Variants in AMH observed in about 807,000 individuals in gnomAD.
AMH encodes the protein anti-Mullerian hormone.
A neutral mutation model predicts 33.3 loss-of-function variants in AMH; 39 were observed. The observed-to-expected ratio is 1.17, with a 90% CI of 0.91 to 1.53. AMH has a LOEUF of 1.53. Among genes scored for constraint, AMH ranks in the 40% most tolerant of loss-of-function variants. The pLI is 0.00. For synonymous variants in AMH, 536 were observed against 403.0 expected (o/e 1.33, Z -3.95); for missense variants, 1,019 against 799.8 (o/e 1.27, Z -3.30).
In AMH at chr19:2,251,124, C is replaced by A. The variant is rs769350289; in HGVS notation, c.850C>A (p.Pro284Thr). 5.5e-5 allele frequency: 84 copies of A among 1,540,682 alleles called. No individual in the cohort carries two copies. The African/African-American group carries it at 1.1e-3, about 20-fold the overall frequency. ...GCCATCCGCGGAACTCGAGGAGTCG[C>A]CACCCAGCGCAGACCCCTTCCTGGA... Reference protein sequence around the residue: ...PRPSAELEESPPSADPFLETL... With the variant: ...PRPSAELEESTPSADPFLETL... The change falls in exon 5 of 5, where the codon CCA becomes ACA. Residue 284 changes from proline to threonine, a missense_variant. Physicochemically the swap from Pro to Thr is conservative, Grantham distance 38. Coordinates refer to ENST00000221496, the MANE Select transcript of AMH (RefSeq NM_000479.5).
Position 2,251,884 on chromosome 19 carries a change from T to A in AMH, c.1610T>A (p.Ile537Asn). 2.5e-6 allele frequency: 4 copies of A among 1,581,662 alleles called. No individual in the cohort carries two copies. The highest frequency in any genetic ancestry group is 3.4e-6 in the Non-Finnish European group (4 of 1,171,246). ...VPTAYAGKLLISLSEERISAH... is the reference protein window; with the variant it reads ...VPTAYAGKLLNSLSEERISAH... ...ACCGCCTACGCGGGCAAGCTGCTCA[T>A]CAGCCTGTCGGAGGAGCGCATCAGC... Residue 537 changes from isoleucine (I) to asparagine (N), a missense_variant, in exon 5 of 5, where the codon ATC becomes AAC. Ile to Asn is a moderately radical substitution (Grantham distance 149, BLOSUM62 -3). Coordinates refer to ENST00000221496, the MANE Select transcript of AMH (RefSeq NM_000479.5).
chr19:2,250,426 C>T lies in AMH; in HGVS notation c.502C>T (p.Pro168Ser), dbSNP rs768050453. ...AGAGCTGGCGCTGCTGGTGCTGTAC[C>T]CTGGGCCTGGCCCTGAGGTCACTGT... ...PPELALLVLY[P>S]GPGPEVTVTR... Residue 168 changes from proline to serine, a missense_variant, in exon 2 of 5, where the codon CCT becomes TCT. Coordinates refer to ENST00000221496, the MANE Select transcript of AMH (RefSeq NM_000479.5). The T allele has an allele frequency of 7.7e-6, 12 of 1,560,878 alleles. No homozygotes were observed. The highest frequency in any genetic ancestry group is 9.5e-6 in the Non-Finnish European group (11 of 1,153,648).
chr19:2,250,354 C>A lies in AMH; in HGVS notation c.430C>A (p.Pro144Thr), dbSNP rs951526274. The A allele has an allele frequency of 1.9e-6, 3 of 1,598,350 alleles. No individual in the cohort carries two copies. The South Asian group carries it at 3.4e-5, about 18-fold the overall frequency. The change falls in exon 2 of 5, where the codon CCC becomes ACC. Residue 144 changes from proline (P) to threonine (T), a missense_variant. Coordinates refer to ENST00000221496, the MANE Select transcript of AMH (RefSeq NM_000479.5). Reference protein sequence around the residue: ...HLEEVTWEPTPSLRFQEPPPG... With the variant: ...HLEEVTWEPTTSLRFQEPPPG... ...GGCTGCAGTGACCTGGGAGCCAACA[C>A]CCTCGCTGAGGTTCCAGGAGCCCCC...
chr19:2,250,223 G>A, intron 1 of AMH, 114 bp from the exon 2 acceptor site: 3 of 1,501,650 alleles, frequency 2.0e-6, no homozygotes, highest in Non-Finnish European at 2.7e-6. Context: ...GGGCACCCTT[G>A]TCCCCCGCTT....
At chr19:2,250,157 AGCCCCTGCCT>A (rs1020489156) in intron 1 of AMH, 170 bp from the exon 2 acceptor site, 18 of 1,042,650 alleles carry the variant, frequency 1.7e-5, no homozygotes, top group Non-Finnish European at 2.2e-5. Flanking sequence ...CCTCAGACGC[AGCCCCTGCCT>A]GCCCCTGCCG....
intron 1 of AMH, 137 bp from the exon 2 acceptor site, chr19:2,250,200 A>G (rs930155578): frequency 3.6e-6 from 5 of 1,385,770 alleles, no homozygotes; most frequent in Admixed American, 4.0e-5. Context: ...GGCTGCAGGA[A>G]GGCAGCTAAG....
chr19:2,249,436 G>T lies in AMH; in HGVS notation c.104G>T (p.Ser35Ile). Reference protein sequence around the residue: ...LRAEEPAVGTSGLIFREDLDW... With the variant: ...LRAEEPAVGTIGLIFREDLDW... ...GCAGAGGAGCCAGCTGTGGGCACCAGTGGCCTCATCTTCCGAGAAGACTTG... is the reference window on the plus strand; with the variant it reads ...GCAGAGGAGCCAGCTGTGGGCACCATTGGCCTCATCTTCCGAGAAGACTTG... The change falls in exon 1 of 5, where the codon AGT becomes ATT. Residue 35 changes from serine to isoleucine, a missense_variant. By Grantham distance (142) the Ser-to-Ile change is moderately radical. Coordinates refer to ENST00000221496, the MANE Select transcript of AMH (RefSeq NM_000479.5). 1 of 1,602,258 alleles carries T rather than the reference G, an allele frequency of 6.2e-7. No individual in the cohort carries two copies. Among genetic ancestry groups the T allele is most frequent in the Non-Finnish European group, 8.5e-7 (1 of 1,175,196 alleles).
Position 2,250,892 on chromosome 19 carries a change from C to T in AMH, c.708C>T (p.Gly236=), listed in dbSNP as rs776760169. The T allele has an allele frequency of 6.4e-7, 1 of 1,573,900 alleles. No individual in the cohort carries two copies. The highest frequency in any genetic ancestry group is 1.3e-5 in the African/African-American group (1 of 74,574). ...STARLQALLF[G]DDHRCFTRMT... is the part of the protein sequence containing the mutation. The stretch of plus-strand genomic sequence containing the variant: ...CCCGGCTGCAGGCACTGCTGTTCGG[C>T]GACGACCACCGCTGCTTCACACGGA... Residue 236 remains glycine (G), a synonymous_variant, in exon 4 of 5, where the codon GGC becomes GGT. Transcript: ENST00000221496.
intron 1 of AMH, 86 bp from the exon 2 acceptor site, chr19:2,250,251 G>A (rs2025004899): frequency 1.3e-6 from 2 of 1,534,520 alleles, no homozygotes; most frequent in East Asian, 2.4e-5. Flanking sequence ...CCTGCACAGT[G>A]GCCAGAGCGG....
rs1375168287 is a variant in AMH at position 2,251,285 on chromosome 19, G to A, written c.1011G>A (p.Glu337=). 35 of 1,503,744 alleles carry A rather than the reference G, an allele frequency of 2.3e-5. No homozygotes were observed. In the East Asian group the frequency reaches 2.4e-4, roughly 10 times the overall value. The allele number at this position is 1,503,744 out of a possible 1,614,324, so 93.2% of individuals were successfully genotyped here. Residue 337 remains glutamate (E), a synonymous_variant, in exon 5 of 5, where the codon GAG becomes GAA. Coordinates refer to ENST00000221496, the MANE Select transcript of AMH (RefSeq NM_000479.5). Reference sequence around the variant, plus strand: ...ACCTGTCGGACCCCGCGGCGCTGGAGCGCCTACTCGACGGCGAGGAGCCGC... The same window carrying A: ...ACCTGTCGGACCCCGCGGCGCTGGAACGCCTACTCGACGGCGAGGAGCCGC... The part of the protein sequence containing the change: ...LVNLSDPAAL[E]RLLDGEEPLL...
chr19:2,250,364 G>A lies in AMH; in HGVS notation c.440G>A (p.Arg147Lys), dbSNP rs1437375168. Reference sequence around the variant, plus strand: ...ACCTGGGAGCCAACACCCTCGCTGAGGTTCCAGGAGCCCCCGCCTGGAGGA... The same window carrying A: ...ACCTGGGAGCCAACACCCTCGCTGAAGTTCCAGGAGCCCCCGCCTGGAGGA... ...EVTWEPTPSL[R>K]FQEPPPGGAG... Residue 147 changes from arginine to lysine, a missense_variant, in exon 2 of 5, where the codon AGG (arginine) becomes AAG (lysine). Physicochemically the swap from Arg to Lys is conservative, Grantham distance 26. Coordinates refer to ENST00000221496, the MANE Select transcript of AMH (RefSeq NM_000479.5). 1.3e-6 allele frequency: 2 copies of A among 1,597,570 alleles called. No individual in the cohort carries two copies. The highest frequency in any genetic ancestry group is 1.1e-5 in the South Asian group (1 of 88,576).
chr19:2,251,423 G>A lies in AMH; in HGVS notation c.1149G>A (p.Leu383=). The A allele has an allele frequency of 6.9e-7, 1 of 1,441,840 alleles. No individual in the cohort carries two copies. The allele number at this position is 1,441,840 out of a possible 1,614,324, so 89.3% of individuals were successfully genotyped here. The part of the protein sequence containing the change: ...TALARRVAAE[L]QAAAAELRSL... ...TGGCGCGCCGCGTGGCTGCTGAACT[G>A]CAAGCGGCGGCTGCCGAGCTGCGAA... is the stretch of plus-strand genomic sequence containing the variant. Residue 383 remains leucine (L), a synonymous_variant, in exon 5 of 5, where the codon CTG becomes CTA. Coordinates refer to ENST00000221496, the MANE Select transcript of AMH (RefSeq NM_000479.5).
chr19:2,251,054 C>T, intron 4 of AMH, 45 bp from the exon 5 acceptor site: 7 of 1,528,178 alleles, frequency 4.6e-6, no homozygotes, highest in Non-Finnish European at 6.1e-6. Flanking sequence ...GCGGGGGCGG[C>T]GTGGCCTCGT....
rs1385448291 is a variant in AMH, at chr19:2,251,326, G to A, written c.1052G>A (p.Arg351Lys). Residue 351 changes from arginine to lysine, a missense_variant, in exon 5 of 5, where the codon AGG becomes AAG. Arg to Lys is a conservative substitution (Grantham distance 26, BLOSUM62 2). Coordinates refer to ENST00000221496, the MANE Select transcript of AMH (RefSeq NM_000479.5). ...GAGGAGCCGCTGCTGCTGCTGCTGA[G>A]GCCCACTGCGGCCACCACCGGGGAT... is the stretch of plus-strand genomic sequence containing the variant. ...DGEEPLLLLL[R>K]PTAATTGDPA... 4.0e-6 allele frequency: 6 copies of A among 1,496,574 alleles called. No individual in the cohort carries two copies. Among genetic ancestry groups the A allele is most frequent in the South Asian group, 3.7e-5 (3 of 80,066 alleles). 92.7% of individuals were successfully genotyped at this position (1,496,574 alleles called of 1,614,324 possible). A position where few individuals can be genotyped will look rare whatever the true frequency, so the allele number is the denominator to read the frequency against.
rs1328041695 is a variant in AMH, at chr19:2,250,525, C to A, written c.555+46C>A. ...GCAGTGCCCGGGCCGTGGCGGGGGG[C>A]ATGGATTTGTTGCAGGGTCTGCAGT... On this transcript the variant is annotated intron_variant, in intron 2 of 4. Transcript: ENST00000221496. 1.9e-6 allele frequency: 3 copies of A among 1,542,456 alleles called. No individual in the cohort carries two copies. In the South Asian group the frequency reaches 3.6e-5, roughly 18 times the overall value.
At position 2,251,697 on chromosome 19, in the gene AMH, C is replaced by A. The variant is rs766349658; in HGVS notation, c.1423C>A (p.Arg475Ser). ...GCTCAGCGTAGACCTCCGCGCCGAG[C>A]GCTCCGTACTCATCCCCGAGACCTA... ...RELSVDLRAE[R>S]SVLIPETYQA... Residue 475 changes from arginine to serine, a missense_variant, in exon 5 of 5, where the codon CGC becomes AGC. Transcript: ENST00000221496. The A allele has an allele frequency of 6.2e-7, 1 of 1,611,468 alleles. No homozygotes were observed. The highest frequency in any genetic ancestry group is 1.7e-5 in the Admixed American group (1 of 59,978).
At position 2,249,707 on chromosome 19, in the gene AMH, T is replaced by TG. The variant is rs1403070552; in HGVS notation, c.381dup (p.Gln128AlafsTer46). On this transcript the variant is annotated frameshift_variant, in exon 1 of 5. Transcript: ENST00000221496. LOFTEE classifies it high-confidence loss of function. Reference sequence around the variant, plus strand: ...GGCTGGGGGCCTGGCTGCGGGACCCTGGGGGGCAGCGCCTGGTGGTCCTAC... The same window carrying TG: ...GGCTGGGGGCCTGGCTGCGGGACCCTGGGGGGGCAGCGCCTGGTGGTCCTAC... 6.0e-6 allele frequency: 9 copies of TG among 1,505,532 alleles called. No individual in the cohort carries two copies. Among genetic ancestry groups the TG allele is most frequent in the East Asian group, 4.6e-5 (2 of 43,584 alleles). The allele number at this position is 1,505,532 out of a possible 1,614,324, so 93.3% of individuals were successfully genotyped here. A position where few individuals can be genotyped will look rare whatever the true frequency, so the allele number is the denominator to read the frequency against.
At position 2,251,470 on chromosome 19, in the gene AMH, C is replaced by T; in HGVS notation, c.1196C>T (p.Ala399Val). ...ELRSLPGLPPATAPLLARLLA... is the reference protein window; with the variant it reads ...ELRSLPGLPPVTAPLLARLLA... ...CGAAGCCTCCCGGGTCTGCCTCCGG[C>T]CACAGCCCCGCTGCTGGCGCGCCTG... Residue 399 changes from alanine (A) to valine (V), a missense_variant, in exon 5 of 5, where the codon GCC becomes GTC. Transcript: ENST00000221496. 7.1e-7 allele frequency: 1 copy of T among 1,407,400 alleles called. No homozygotes were observed. The highest frequency in any genetic ancestry group is 1.5e-5 in the South Asian group (1 of 67,092). The allele number at this position is 1,407,400 out of a possible 1,614,324, so 87.2% of individuals were successfully genotyped here.
In AMH at chr19:2,250,513, C is replaced by T. The variant is rs765703485; in HGVS notation, c.555+34C>T. The T allele has an allele frequency of 2.5e-5, 39 of 1,543,838 alleles. No individual in the cohort carries two copies. In the East Asian group the frequency reaches 8.3e-4, roughly 33 times the overall value. On this transcript the variant is annotated intron_variant, in intron 2 of 4. Coordinates refer to ENST00000221496, the MANE Select transcript of AMH (RefSeq NM_000479.5). ...GAGTTGCATGGGGCAGTGCCCGGGC[C>T]GTGGCGGGGGGCATGGATTTGTTGC...
Sources: allele counts gnomAD v4.1 joint callset, GRCh38; gene constraint gnomAD v4.1.1; transcripts MANE v1.5; gene names NCBI Gene and HGNC (gene_info 2026-07-23, HGNC 2026-07-21).